UBE2B: variants seen among roughly 807,000 people sequenced by gnomAD.
UBE2B encodes the protein ubiquitin-conjugating enzyme E2 B.
Under a neutral mutation model 24.6 loss-of-function variants are expected in UBE2B, and 11 were observed. The observed-to-expected ratio is 0.45, with a 90% CI of 0.28 to 0.74. The LOEUF (loss-of-function observed/expected upper bound fraction) is 0.74, where lower values mean the gene tolerates loss of function less well. Among genes scored for constraint, UBE2B ranks in the 30% least tolerant of loss-of-function variants. UBE2B has a pLI of 0.13. For synonymous variants in UBE2B, 68 were observed against 62.4 expected (o/e 1.09, Z -0.42); for missense variants, 78 against 185.6 (o/e 0.42, Z 3.37).
chr5:134,374,342 C>T (rs1224920781), intron 1 of UBE2B, 41 bp from the exon 2 acceptor site: 6 of 1,547,972 alleles, frequency 3.9e-6, no homozygotes, highest in Non-Finnish European at 5.2e-6. Context: ...CCTTAGTGGC[C>T]TTAATGTTCA....
chr5:134,378,260 T>C (rs1249871620), intron 3 of UBE2B, among the ~76,000 whole-genome samples: 1 of 151,748 alleles, frequency 6.6e-6, no homozygotes, highest in Non-Finnish European at 1.5e-5. Flanking sequence ...TCTATGTGGG[T>C]TTTTTTTGTT....
intron 4 of UBE2B, among the ~76,000 whole-genome samples, chr5:134,382,066 C>T (rs1290282055): frequency 1.3e-5 from 2 of 151,956 alleles, no homozygotes; most frequent in South Asian, 2.1e-4. Flanking sequence ...AAGATCCTGT[C>T]TCTACTAAAA....
At chr5:134,388,132 G>A (rs1489531567) in intron 4 of UBE2B, 193 bp from the exon 5 acceptor site, 1 of 592,920 alleles carries the variant, frequency 1.7e-6, no homozygotes. Context: ...ATGAGATTTG[G>A]AGGGAACATT....
chr5:134,371,739 C>T (rs1054080040), intron 1 of UBE2B, 100 bp downstream of exon 1: 18 of 1,532,142 alleles, frequency 1.2e-5, no homozygotes, highest in Non-Finnish European at 1.6e-5. Context: ...CTCAGAGGGC[C>T]GGCTGTGGGC....
chr5:134,384,873 GGTAA>G (rs34150493), intron 4 of UBE2B, among the ~76,000 whole-genome samples: 16,915 of 151,956 alleles, frequency 0.11, 1,043 homozygotes, highest in Admixed American at 0.16. Context: ...TTCAGTCCTA[GGTAA>G]GTGTTACCCC....
chr5:134,376,463 AAAG>A (rs2149690685), intron 2 of UBE2B, among the ~76,000 whole-genome samples: 1 of 146,920 alleles, frequency 6.8e-6, no homozygotes, highest in East Asian at 2.0e-4. Context: ...ACCACCCTAA[AAAG>A]AAAGCTTAGA....
intron 5 of UBE2B, chr5:134,389,108 C>T (rs1340393722): frequency 4.0e-5 from 9 of 223,550 alleles, no homozygotes; most frequent in African/African-American, 1.4e-4. Flanking sequence ...CATGCTACCA[C>T]GCCTGGCTAA....
chr5:134,384,017 TC>T (rs1158634179), intron 4 of UBE2B, among the ~76,000 whole-genome samples: 1 of 152,212 alleles, frequency 6.6e-6, no homozygotes, highest in African/African-American at 2.4e-5. Flanking sequence ...AATTTGGTCT[TC>T]CTTGACATCT....
At chr5:134,383,482 T>A (rs1292100936) in intron 4 of UBE2B, among the ~76,000 whole-genome samples, 3 of 138,438 alleles carry the variant, frequency 2.2e-5, no homozygotes, top group African/African-American at 5.5e-5. Context: ...GCTTTTTTTT[T>A]TTTTTTTTTT....
intron 2 of UBE2B, 93 bp from the exon 3 acceptor site, chr5:134,376,576 C>T (rs1026961156): frequency 2.9e-4 from 398 of 1,389,316 alleles, no homozygotes; most frequent in Non-Finnish European, 3.8e-4. Flanking sequence ...ATGAGTCCCT[C>T]TTTTTCTGTT....
rs778701615 is a variant in UBE2B, at chr5:134,391,729, A to G, written c.*1376A>G. On this transcript the variant is annotated 3_prime_UTR_variant, in exon 6 of 6. Transcript: ENST00000265339. ...TGTAGTCCCAGCACTTTGGGAGGCA[A>G]AGGCGGGAGGATCACTTGAGGCCAG... The G allele has an allele frequency of 2.0e-5, 3 of 152,182 alleles. No individual in the cohort carries two copies. Among genetic ancestry groups the G allele is most frequent in the Non-Finnish European group, 4.4e-5 (3 of 68,030 alleles). The allele number at this position is 152,182 out of a possible 1,614,324, so 9.4% of individuals were successfully genotyped here.
Position 134,390,203 on chromosome 5 carries a change from TTTTTC to T in UBE2B, c.331-13_331-9del, listed in dbSNP as rs759722264. The stretch of plus-strand genomic sequence containing the variant: ...ATAAAGAACAACTATGCAAATCTGT[TTTTTC>T]TTTTCTTTCCTCCTAGTCTCTGCTG... On this transcript the variant is annotated splice_polypyrimidine_tract_variant and intron_variant, in intron 5 of 5. Coordinates refer to ENST00000265339, the MANE Select transcript of UBE2B (RefSeq NM_003337.4). This position sits in a 1 kb window ranked among gnomAD's most constrained non-coding sequence, Gnocchi z 4.6. 2.3e-5 allele frequency: 37 copies of T among 1,613,566 alleles called. No individual in the cohort carries two copies. The highest frequency in any genetic ancestry group is 3.1e-5 in the Non-Finnish European group (37 of 1,179,940).
rs1175361346 is a variant in UBE2B at position 134,380,739 on chromosome 5, G to C, written c.172G>C (p.Glu58Gln). 3.2e-6 allele frequency: 5 copies of C among 1,576,218 alleles called. No individual in the cohort carries two copies. The highest frequency in any genetic ancestry group is 4.4e-6 in the Non-Finnish European group (5 of 1,146,596). The change falls in exon 4 of 6, where the codon GAA becomes CAA. Residue 58 changes from glutamate (E) to glutamine (Q), a missense_variant. Glu to Gln is a conservative substitution (Grantham distance 29). Transcript: ENST00000265339. ...FEDGTFKLVI[E>Q]FSEEYPNKPP... is the part of the protein sequence containing the mutation. ...TCTAGGTACTTTTAAACTAGTAATAGAATTTTCTGAAGAATATCCAAATAA... is the reference window on the plus strand; with the variant it reads ...TCTAGGTACTTTTAAACTAGTAATACAATTTTCTGAAGAATATCCAAATAA...
intron 4 of UBE2B, among the ~76,000 whole-genome samples, chr5:134,383,321 T>C: frequency 6.6e-6 from 1 of 152,090 alleles, no homozygotes; most frequent in African/African-American, 2.4e-5. Flanking sequence ...AAAATTTTTT[T>C]GTTGTTGAGA....
intron 2 of UBE2B, among the ~76,000 whole-genome samples, chr5:134,375,246 T>C (rs1561679094): frequency 1.3e-5 from 2 of 152,204 alleles, no homozygotes; most frequent in East Asian, 1.9e-4. Flanking sequence ...ATGCAGCCAT[T>C]TGAGAAGCAG....
At chr5:134,375,797 C>CAAA (rs775635194) in intron 2 of UBE2B, among the ~76,000 whole-genome samples, 41 of 29,878 alleles carry the variant, frequency 1.4e-3, no homozygotes, top group Admixed American at 2.9e-3. Flanking sequence ...GACTCCGTCT[C>CAAA]AAAAAAAAAA....
intron 1 of UBE2B, among the ~76,000 whole-genome samples, chr5:134,372,267 G>A (rs35649082): frequency 1.3e-3 from 201 of 152,304 alleles, no homozygotes; most frequent in Middle Eastern, 0.01. Flanking sequence ...CCGGCTGCCA[G>A]TGCTTTCTGG....
rs1176500916 is a variant in UBE2B, at chr5:134,376,322, CAA to C, written c.126-321_126-320del. On this transcript the variant is annotated intron_variant, in intron 2 of 5. Coordinates refer to ENST00000265339, the MANE Select transcript of UBE2B (RefSeq NM_003337.4). The stretch of plus-strand genomic sequence containing the variant: ...GGGGGACAAGAGCAAAACTCCGTCT[CAA>C]AAAAAAAAAAAAAAAAAAAAAAAAA... 6.4e-3 allele frequency among the ~76,000 whole-genome samples: 48 copies of C among 7,458 alleles called. 2 individuals are homozygous for C. The East Asian group carries it at 0.17, about 26-fold the overall frequency. 4.9% of individuals were successfully genotyped at this position (7,458 alleles called of 152,430 possible).
chr5:134,371,641 T>C lies in UBE2B; in HGVS notation c.44+2T>C. On this transcript the variant is annotated splice_donor_variant, in intron 1 of 5. Transcript: ENST00000265339. LOFTEE classifies it high-confidence loss of function. ...GAGGCTCATGCGGGATTTCAAGCGG[T>C]AAGGGCCTTCACCTTCGCCTAGATG... The C allele has an allele frequency of 6.2e-7, 1 of 1,612,674 alleles. No individual in the cohort carries two copies. Among genetic ancestry groups the C allele is most frequent in the Non-Finnish European group, 8.5e-7 (1 of 1,179,734 alleles).
Sources: allele counts gnomAD v4.1 joint callset (sites outside exome capture counted in the v4.1 genomes callset), GRCh38; gene constraint gnomAD v4.1.1; non-coding constraint Gnocchi (gnomAD v3.1); transcripts MANE v1.5; gene names NCBI Gene and HGNC (gene_info 2026-07-23, HGNC 2026-07-21).